Variants in NOL4 observed in about 807,000 individuals in gnomAD.
The protein encoded by NOL4 is cancer/testis antigen 125.
A neutral mutation model predicts 75.9 loss-of-function variants in NOL4; 17 were observed. The ratio of observed to expected loss-of-function variants is 0.22; its 90% confidence interval spans 0.15 to 0.34. NOL4 has a LOEUF of 0.34. Among genes scored for constraint, NOL4 ranks in the 10% least tolerant of loss-of-function variants. The probability of loss-of-function intolerance (pLI) is 1.00; values close to 1 mark genes in which losing one functional copy is unlikely to be tolerated. For missense variants in NOL4, 614 were observed against 793.5 expected, an observed-to-expected ratio of 0.77 and a Z score of 2.72; for synonymous variants, 292 against 289.9, an observed-to-expected ratio of 1.01 and a Z score of -0.07.
chr18:34,145,679 T>C (rs1010685151), intron 1 of NOL4, among the ~76,000 whole-genome samples: 17 of 151,888 alleles, frequency 1.1e-4, no homozygotes, highest in African/African-American at 4.1e-4. Flanking sequence ...AAATGAACAT[T>C]ATCTCGGGGA....
intron 1 of NOL4, among the ~76,000 whole-genome samples, chr18:34,135,434 C>T (rs996985593): frequency 1.3e-5 from 2 of 151,974 alleles, no homozygotes; most frequent in African/African-American, 2.4e-5. Flanking sequence ...TGCGGTGGCT[C>T]GTGCCTGTAA....
intron 1 of NOL4, among the ~76,000 whole-genome samples, chr18:34,148,142 T>C (rs929108477): frequency 6.6e-6 from 1 of 152,102 alleles, no homozygotes; most frequent in Non-Finnish European, 1.5e-5. Context: ...GTCTATTTTG[T>C]TGATCTTTTC....
chr18:33,926,426 T>C (rs1315901578), intron 9 of NOL4, among the ~76,000 whole-genome samples: 1 of 148,810 alleles, frequency 6.7e-6, no homozygotes, highest in Non-Finnish European at 1.5e-5. Flanking sequence ...ATTTGTTATT[T>C]AAAGTCCTAA....
chr18:33,861,834 G>A (rs1896385052), intron 10 of NOL4, among the ~76,000 whole-genome samples: 1 of 151,972 alleles, frequency 6.6e-6, no homozygotes, highest in African/African-American at 2.4e-5. Context: ...CATGAAAATG[G>A]CCATACTGCC....
At chr18:33,927,582 A>T (rs1162817188) in intron 9 of NOL4, among the ~76,000 whole-genome samples, 1 of 152,196 alleles carries the variant, frequency 6.6e-6, no homozygotes. Context: ...CTGATAACAC[A>T]GCAAAGATTG....
At chr18:33,939,169 G>C (rs2068284583) in intron 9 of NOL4, among the ~76,000 whole-genome samples, 1 of 152,066 alleles carries the variant, frequency 6.6e-6, no homozygotes, top group Non-Finnish European at 1.5e-5. Context: ...ATGCTCTTTT[G>C]GTTACTGTAG....
At chr18:33,972,910 G>A (rs1185355209) in intron 6 of NOL4, among the ~76,000 whole-genome samples, 1 of 152,210 alleles carries the variant, frequency 6.6e-6, no homozygotes, top group Admixed American at 6.5e-5. Context: ...GATGGTTGCT[G>A]ACCGATCAGC....
chr18:34,124,097 A>C (rs2145862583), intron 2 of NOL4, among the ~76,000 whole-genome samples: 1 of 152,240 alleles, frequency 6.6e-6, no homozygotes, highest in East Asian at 1.9e-4. Context: ...TGGGGAAAAA[A>C]CAATGCATCT....
chr18:34,137,779 T>TATACACACACACACACAC lies in NOL4; in HGVS notation c.265-7760_265-7759insGTGTGTGTGTGTGTGTAT, dbSNP rs1354745785. ...AAGCCAAAATCATGTATATACGAAA[T>TATACACACACACACACAC]ACACACACACACACACACACACACA... On this transcript the variant is annotated intron_variant, in intron 1 of 10. Transcript: ENST00000261592. Among the ~76,000 whole-genome samples the TATACACACACACACACAC allele has an allele frequency of 3.9e-3, 570 of 147,136 alleles. 5 individuals carry two copies. The highest frequency in any genetic ancestry group is 4.2e-3 in the Non-Finnish European group (279 of 66,830).
chr18:34,054,276 C>T lies in NOL4; in HGVS notation c.773-34675G>A, dbSNP rs192060400. ...ATTCATCTTTTGTTTGGTTGTTGTT[C>T]TATCCATTATTAAAAGTGGGGTATT... On this transcript the variant is annotated intron_variant, in intron 5 of 10. Coordinates refer to ENST00000261592, the MANE Select transcript of NOL4 (RefSeq NM_003787.5). 2.7e-3 allele frequency among the ~76,000 whole-genome samples: 403 copies of T among 151,832 alleles called. 2 individuals are homozygous for T. The highest frequency in any genetic ancestry group is 9.2e-3 in the African/African-American group (380 of 41,462).
chr18:34,104,836 A>G (rs541651855), intron 3 of NOL4, among the ~76,000 whole-genome samples: 119 of 152,078 alleles, frequency 7.8e-4, no homozygotes, highest in Non-Finnish European at 4.6e-4. Flanking sequence ...GAAAAATGTT[A>G]TTTGCCACAG....
intron 1 of NOL4, among the ~76,000 whole-genome samples, chr18:34,136,731 A>T (rs571019196): frequency 6.6e-6 from 1 of 152,168 alleles, no homozygotes; most frequent in Non-Finnish European, 1.5e-5. Context: ...ATAGACTAGA[A>T]GACAATATAA....
At chr18:34,220,309 T>G (rs2037209870) in intron 1 of NOL4, among the ~76,000 whole-genome samples, 1 of 152,176 alleles carries the variant, frequency 6.6e-6, no homozygotes. Context: ...GCAGTAGTAA[T>G]GATGTCTAAT....
At chr18:34,030,226 A>T (rs2075567825) in intron 5 of NOL4, among the ~76,000 whole-genome samples, 1 of 152,186 alleles carries the variant, frequency 6.6e-6, no homozygotes, top group Non-Finnish European at 1.5e-5. Context: ...GTTAATCTCT[A>T]CTCATTTTTA....
chr18:34,207,697 T>G (rs1299735102), intron 1 of NOL4, among the ~76,000 whole-genome samples: 2 of 152,026 alleles, frequency 1.3e-5, no homozygotes, highest in Non-Finnish European at 2.9e-5. Flanking sequence ...CTTTCTTACT[T>G]CTTAGAGTTT....
chr18:33,957,596 G>A (rs894153572), intron 7 of NOL4, 79 bp from the exon 8 acceptor site: 21 of 1,137,158 alleles, frequency 1.8e-5, no homozygotes, highest in East Asian at 2.5e-5. Flanking sequence ...CTTGATTACC[G>A]ATAGGAAAAT....
chr18:34,149,902 T>C (rs957266637), intron 1 of NOL4, among the ~76,000 whole-genome samples: 7 of 151,654 alleles, frequency 4.6e-5, no homozygotes, highest in African/African-American at 1.7e-4. Context: ...TATACCTCTA[T>C]AACCTGGTTT....
At chr18:34,030,931 T>TA (rs61054244) in intron 5 of NOL4, among the ~76,000 whole-genome samples, 82,760 of 151,614 alleles carry the variant, frequency 0.55, 23,368 homozygotes, top group Non-Finnish European at 0.63. Flanking sequence ...TCAAAATATG[T>TA]AAAAAAATAG....
chr18:33,975,548 C>A (rs150684181), intron 6 of NOL4, among the ~76,000 whole-genome samples: 1 of 152,056 alleles, frequency 6.6e-6, no homozygotes, highest in Non-Finnish European at 1.5e-5. Context: ...CCAAGGCGGG[C>A]AGATCACGAG....
Sources: allele counts gnomAD v4.1 joint callset (sites outside exome capture counted in the v4.1 genomes callset), GRCh38; gene constraint gnomAD v4.1.1; transcripts MANE v1.5; gene names NCBI Gene and HGNC (gene_info 2026-07-23, HGNC 2026-07-21).